MCCC1: variants seen among roughly 807,000 people sequenced by gnomAD.
MCCC1 encodes methylcrotonyl-CoA carboxylase subunit 1, also known as methylcrotonoyl-CoA carboxylase subunit alpha, mitochondrial.
A neutral mutation model predicts 83.8 loss-of-function variants in MCCC1; 64 were observed. The observed-to-expected ratio is 0.76, with a 90% CI of 0.62 to 0.94. The LOEUF (loss-of-function observed/expected upper bound fraction) is 0.94, where lower values mean the gene tolerates loss of function less well. Among genes scored for constraint, MCCC1 ranks in the 40% least tolerant of loss-of-function variants. MCCC1 has a pLI of 0.00. For missense variants in MCCC1, 807 were observed against 904.7 expected (o/e 0.89, Z 1.39); for synonymous variants, 322 against 315.4 (o/e 1.02, Z -0.22).
intron 1 of MCCC1, among the ~76,000 whole-genome samples, chr3:183,115,108 G>T (rs1719569326): frequency 6.6e-6 from 1 of 152,148 alleles, no homozygotes; most frequent in Non-Finnish European, 1.5e-5. Flanking sequence ...GCCCAGGGAT[G>T]CCGGCACCCC....
In MCCC1 at chr3:183,099,348, C is replaced by G; in HGVS notation, c.89+4G>C. 1.3e-6 allele frequency: 2 copies of G among 1,594,458 alleles called. No homozygotes were observed. The highest frequency in any genetic ancestry group is 1.7e-6 in the Non-Finnish European group (2 of 1,172,858). On this transcript the variant is annotated splice_donor_region_variant and intron_variant, in intron 1 of 18. Coordinates refer to ENST00000265594, the MANE Select transcript of MCCC1 (RefSeq NM_020166.5). Reference sequence around the variant, plus strand: ...GCCCACTGAGCCATGGCCCCTCCACCCACCTCGGCGGCAGGAGCAGGCTCG... The same window carrying G: ...GCCCACTGAGCCATGGCCCCTCCACGCACCTCGGCGGCAGGAGCAGGCTCG...
chr3:183,048,326 T>C (rs1202574597), intron 9 of MCCC1, among the ~76,000 whole-genome samples: 1 of 152,156 alleles, frequency 6.6e-6, no homozygotes, highest in Non-Finnish European at 1.5e-5. Flanking sequence ...AATATACCAA[T>C]TAAAAGACAG....
In MCCC1 at chr3:183,072,505, A is replaced by G. The variant is rs1716772743; in HGVS notation, c.370-18T>C. 3 of 1,613,034 alleles carry G rather than the reference A, an allele frequency of 1.9e-6. No homozygotes were observed. Among genetic ancestry groups the G allele is most frequent in the African/African-American group, 2.7e-5 (2 of 75,012 alleles). On this transcript the variant is annotated intron_variant, in intron 4 of 18. Transcript: ENST00000265594. ...TGGATAGCCTAGAAATGAGAAATAA[A>G]ATAAAAAATTTACTCATCAGTGCTC...
intron 7 of MCCC1, among the ~76,000 whole-genome samples, chr3:183,062,085 C>T (rs906167600): frequency 3.3e-5 from 5 of 152,198 alleles, no homozygotes; most frequent in African/African-American, 1.2e-4. Flanking sequence ...TTCTCCTTCA[C>T]CTCCTGCCAT....
At chr3:183,022,758 T>A in intron 15 of MCCC1, 1 of 516,758 alleles carries the variant, frequency 1.9e-6, no homozygotes. Context: ...GGAAGATAAT[T>A]AAAAGGGAAA....
intron 4 of MCCC1, among the ~76,000 whole-genome samples, chr3:183,082,465 T>C (rs953325490): frequency 2.1e-4 from 32 of 152,214 alleles, no homozygotes; most frequent in African/African-American, 7.2e-4. Flanking sequence ...CTTAAGTCCA[T>C]TGTTTACTTA....
At chr3:183,078,207 A>G (rs111364356) in intron 4 of MCCC1, among the ~76,000 whole-genome samples, 1,700 of 152,204 alleles carry the variant, frequency 0.011, 36 homozygotes, top group African/African-American at 0.039. Flanking sequence ...TTTAGTAGAG[A>G]CAGGGTTTCA....
intron 14 of MCCC1, 113 bp downstream of exon 14, chr3:183,033,878 A>C (rs1008632241): frequency 5.1e-5 from 39 of 764,482 alleles, no homozygotes; most frequent in Admixed American, 3.5e-4. Flanking sequence ...TGTTTAGCCT[A>C]GGCATTTAAA....
At chr3:183,035,515 T>C (rs1444474108) in intron 13 of MCCC1, among the ~76,000 whole-genome samples, 1 of 151,726 alleles carries the variant, frequency 6.6e-6, no homozygotes, top group Non-Finnish European at 1.5e-5. Context: ...TTTTTTTTTT[T>C]TTTTTTGGAT....
intron 4 of MCCC1, among the ~76,000 whole-genome samples, chr3:183,073,095 AT>A (rs541539993): frequency 2.0e-4 from 30 of 152,102 alleles, no homozygotes; most frequent in African/African-American, 7.2e-4. Flanking sequence ...ACATTGTGTT[AT>A]TTCTACACAT....
chr3:183,082,718 C>T (rs1024714900), intron 4 of MCCC1, among the ~76,000 whole-genome samples: 1 of 152,166 alleles, frequency 6.6e-6, no homozygotes, highest in African/African-American at 2.4e-5. Context: ...TGGCTCACGT[C>T]GGTAACGCCA....
At chr3:183,032,704 C>T (rs544978070) in intron 14 of MCCC1, among the ~76,000 whole-genome samples, 1 of 151,976 alleles carries the variant, frequency 6.6e-6, no homozygotes, top group Non-Finnish European at 1.5e-5. Context: ...GAAACCCTGT[C>T]TCTACTAAAA....
intron 4 of MCCC1, among the ~76,000 whole-genome samples, chr3:183,075,641 C>A (rs370349820): frequency 6.6e-6 from 1 of 151,604 alleles, no homozygotes; most frequent in African/African-American, 2.4e-5. Flanking sequence ...CCCAGGTTCA[C>A]GCCATTCTCC....
intron 4 of MCCC1, among the ~76,000 whole-genome samples, chr3:183,080,363 T>A (rs979365396): frequency 6.6e-6 from 1 of 152,166 alleles, no homozygotes; most frequent in East Asian, 1.9e-4. Flanking sequence ...TCTCTCAAGT[T>A]TGAAGGTCCA....
At chr3:183,015,911 G>GTTTTTTTTTTTTTTTT (rs549666072) in intron 18 of MCCC1, among the ~76,000 whole-genome samples, 2 of 135,526 alleles carry the variant, frequency 1.5e-5, no homozygotes, top group South Asian at 2.4e-4. Flanking sequence ...GCTTGCTTTT[G>GTTTTTTTTTTTTTTTT]TTTTTTTTTT....
In MCCC1 at chr3:183,099,371, T is replaced by C; in HGVS notation, c.70A>G (p.Ser24Gly). ...AERNRWHRLP[S>G]LLLPPRTWVW... ...ACCCACCTCGGCGGCAGGAGCAGGC[T>C]CGGGAGACGATGCCACCGGTTCCTC... The change falls in exon 1 of 19, where the codon AGC becomes GGC. Residue 24 changes from serine to glycine, a missense_variant. Coordinates refer to ENST00000265594, the MANE Select transcript of MCCC1 (RefSeq NM_020166.5). 1 of 1,601,820 alleles carries C rather than the reference T, an allele frequency of 6.2e-7. No homozygotes were observed. Among genetic ancestry groups the C allele is most frequent in the Admixed American group, 1.7e-5 (1 of 59,088 alleles).
intron 14 of MCCC1, 79 bp downstream of exon 14, chr3:183,033,912 C>T (rs866914789): frequency 8.9e-7 from 1 of 1,119,930 alleles, no homozygotes; most frequent in Middle Eastern, 2.5e-4. Context: ...TGATCATGGC[C>T]AGGCTGGAAT....
chr3:183,028,078 ACT>A (rs1712756789), intron 14 of MCCC1, among the ~76,000 whole-genome samples: 1 of 152,124 alleles, frequency 6.6e-6, no homozygotes, highest in South Asian at 2.1e-4. Flanking sequence ...GGACAGGCTG[ACT>A]CTCTTTCTAG....
At chr3:183,024,907 T>A (rs1223889844) in intron 15 of MCCC1, among the ~76,000 whole-genome samples, 1 of 151,394 alleles carries the variant, frequency 6.6e-6, no homozygotes, top group African/African-American at 2.4e-5. Flanking sequence ...CATTAATGGC[T>A]GAATGGATAA....
Sources: allele counts gnomAD v4.1 joint callset (sites outside exome capture counted in the v4.1 genomes callset), GRCh38; gene constraint gnomAD v4.1.1; transcripts MANE v1.5; gene names NCBI Gene and HGNC (gene_info 2026-07-23, HGNC 2026-07-21).